NDE1: variants seen among roughly 807,000 people sequenced by gnomAD.
The protein encoded by NDE1 is nuclear distribution protein nudE homolog 1.
NDE1 carries 28 observed loss-of-function variants against 43.4 expected under a neutral mutation model. That is an observed-to-expected ratio of 0.65 (90% CI 0.48 to 0.89). NDE1 has a LOEUF of 0.89. Ranked by LOEUF, NDE1 falls within the 40% of genes least tolerant of loss-of-function variation. The pLI, the probability that NDE1 is intolerant of heterozygous loss-of-function variation, is 0.00. For missense variants in NDE1, 441 were observed against 434.1 expected (o/e 1.02, Z -0.14); for synonymous variants, 184 against 172.0 (o/e 1.07, Z -0.55).
intron 1 of NDE1, among the ~76,000 whole-genome samples, chr16:15,662,383 C>T (rs937997752): frequency 2.5e-4 from 38 of 149,296 alleles, no homozygotes; most frequent in African/African-American, 7.6e-4. Flanking sequence ...CCCAGGTTCA[C>T]GCTATTCTCC....
intron 3 of NDE1, among the ~76,000 whole-genome samples, chr16:15,673,255 G>C (rs1283182661): frequency 6.6e-6 from 1 of 152,094 alleles, no homozygotes; most frequent in African/African-American, 2.4e-5. Flanking sequence ...TGTCACCCAA[G>C]CTGGAGTGCA....
chr16:15,647,502 A>G (rs148257994), upstream of NDE1, among the ~76,000 whole-genome samples: 78 of 149,748 alleles, frequency 5.2e-4, no homozygotes, highest in Non-Finnish European at 8.7e-4. Context: ...GTTCAGTTGC[A>G]TGGTCTCCTC....
intron 2 of NDE1, 101 bp from the exon 3 acceptor site, chr16:15,667,185 G>C: frequency 7.5e-7 from 1 of 1,326,168 alleles, no homozygotes; most frequent in Non-Finnish European, 1.1e-6. Context: ...AGCAGAGGTT[G>C]CAGTGAGACG....
At chr16:15,703,851 T>C in intron 8 of NDE1, 1 of 1,207,150 alleles carries the variant, frequency 8.3e-7, no homozygotes, top group Non-Finnish European at 1.2e-6. Context: ...CTGTGATATT[T>C]GGAATTTGAG....
In NDE1 at chr16:15,691,164, G is replaced by T. The variant is rs780330442; in HGVS notation, c.544G>T (p.Val182Leu). Reference sequence around the variant, plus strand: ...CACAGATTTGCGGCAGGAACTGGCCGTGCAGCAGAAGCAGGAGAAACCCAG... The same window carrying T: ...CACAGATTTGCGGCAGGAACTGGCCTTGCAGCAGAAGCAGGAGAAACCCAG... ...EARDLRQELAVQQKQEKPRTP... is the reference protein window; with the variant it reads ...EARDLRQELALQQKQEKPRTP... The change falls in exon 6 of 9, where the codon GTG becomes TTG. Residue 182 changes from valine to leucine, a missense_variant. By Grantham distance (32) the Val-to-Leu change is conservative. Coordinates refer to ENST00000396354, the MANE Select transcript of NDE1 (RefSeq NM_017668.3). The T allele has an allele frequency of 6.2e-7, 1 of 1,614,048 alleles. No individual in the cohort carries two copies. Among genetic ancestry groups the T allele is most frequent in the Non-Finnish European group, 8.5e-7 (1 of 1,180,008 alleles).
chr16:15,722,384 T>C (rs766852429), intron 8 of NDE1, among the ~76,000 whole-genome samples: 13 of 152,258 alleles, frequency 8.5e-5, no homozygotes, highest in African/African-American at 1.4e-4. Context: ...CAGAGAACAT[T>C]CCATGCTCAC....
chr16:15,646,748 GTAA>G (rs2036338473), upstream of NDE1, among the ~76,000 whole-genome samples: 1 of 150,524 alleles, frequency 6.6e-6, no homozygotes, highest in African/African-American at 2.4e-5. Flanking sequence ...AAGTAAATAA[GTAA>G]TAAAATTCCT....
chr16:15,682,888 G>C (rs2038254928), intron 4 of NDE1, among the ~76,000 whole-genome samples: 1 of 151,994 alleles, frequency 6.6e-6, no homozygotes, highest in Non-Finnish European at 1.5e-5. Flanking sequence ...ATTATGCCCA[G>C]CTAATTTTTC....
chr16:15,694,889 C>T (rs761219190), intron 7 of NDE1: 326 of 985,244 alleles, frequency 3.3e-4, no homozygotes, highest in Non-Finnish European at 3.9e-4. Context: ...AAACTGCCTT[C>T]TCTTTTGGCC....
At position 15,726,006 on chromosome 16, in the gene NDE1, GTCTC is replaced by G. The variant is rs752697366; in HGVS notation, c.*1760_*1763del. 15 of 284,814 alleles carry G rather than the reference GTCTC, an allele frequency of 5.3e-5. No homozygotes were observed. The highest frequency in any genetic ancestry group is 2.6e-4 in the African/African-American group (12 of 45,670). 17.6% of individuals were successfully genotyped at this position (284,814 alleles called of 1,614,324 possible). On this transcript the variant is annotated 3_prime_UTR_variant, in exon 9 of 9. Transcript: ENST00000396354. ...GGCACTCCAGCTCTACTGGCTGTATGTCTCTCTCCTAATTTTTCTACTTACCACA... is the reference window on the plus strand; with the variant it reads ...GGCACTCCAGCTCTACTGGCTGTATGTCTCCTAATTTTTCTACTTACCACA...
intron 3 of NDE1, among the ~76,000 whole-genome samples, chr16:15,674,518 G>A (rs984490598): frequency 1.3e-5 from 2 of 151,972 alleles, no homozygotes; most frequent in Non-Finnish European, 2.9e-5. Flanking sequence ...CAAATTGCTG[G>A]GATTACAGGT....
At chr16:15,655,748 G>C (rs938935870) in intron 1 of NDE1, among the ~76,000 whole-genome samples, 2 of 152,012 alleles carry the variant, frequency 1.3e-5, no homozygotes, top group African/African-American at 4.8e-5. Context: ...AGCAATGATA[G>C]ACTGGATTAA....
Position 15,687,393 on chromosome 16 carries a change from C to T in NDE1, c.405C>T (p.Leu135=), listed in dbSNP as rs180841626. 18 of 1,614,112 alleles carry T rather than the reference C, an allele frequency of 1.1e-5. No individual in the cohort carries two copies. The highest frequency in any genetic ancestry group is 1.1e-4 in the East Asian group (5 of 44,880). ...TCGCCAGCGCCACGATCATGTCTCT[C>T]GAAGACTTTGAGCAGCGCTTGAATC... ...ERAKRATIMS[L]EDFEQRLNQA... is the part of the protein sequence containing the mutation. The change falls in exon 5 of 9, where the codon CTC becomes CTT. Residue 135 remains leucine (L), a synonymous_variant. Transcript: ENST00000396354.
intron 7 of NDE1, among the ~76,000 whole-genome samples, chr16:15,695,206 T>TTC (rs2038954893): frequency 1.4e-5 from 2 of 142,978 alleles, no homozygotes; most frequent in African/African-American, 5.2e-5. Context: ...CTGCCACCTT[T>TTC]TTTTTTTTTT....
At position 15,725,428 on chromosome 16, in the gene NDE1, G is replaced by C; in HGVS notation, c.*1177G>C. On this transcript the variant is annotated 3_prime_UTR_variant, in exon 9 of 9. Coordinates refer to ENST00000396354, the MANE Select transcript of NDE1 (RefSeq NM_017668.3). ...GGTACTTGAACGTCCCAGGGATGCT[G>C]TCCCATCCCTTCCTTCCTCACTCCT... is the stretch of plus-strand genomic sequence containing the variant. The C allele has an allele frequency of 2.1e-6, 1 of 480,788 alleles. No homozygotes were observed. The highest frequency in any genetic ancestry group is 3.1e-5 in the East Asian group (1 of 31,864). The allele number at this position is 480,788 out of a possible 1,614,324, so 29.8% of individuals were successfully genotyped here. A position where few individuals can be genotyped will look rare whatever the true frequency, so the allele number is the denominator to read the frequency against.
At chr16:15,674,270 A>T (rs1040000257) in intron 3 of NDE1, among the ~76,000 whole-genome samples, 6 of 151,724 alleles carry the variant, frequency 4.0e-5, no homozygotes, top group African/African-American at 1.2e-4. Context: ...TTTGAGATGG[A>T]GTCTTGTTCG....
rs1171298608 is a variant in NDE1, at chr16:15,724,236, G to C, written c.993G>C (p.Ser331=). Residue 331 remains serine (S), a synonymous_variant, in exon 9 of 9, where the codon TCG becomes TCC. Transcript: ENST00000396354. The part of the protein sequence containing the change: ...CRWLSKSTTR[S]SSSC The stretch of plus-strand genomic sequence containing the variant: ...GGTTGTCCAAATCAACAACCAGGTC[G>C]TCCAGCTCCTGCTGAAGCCTGTTCT... The C allele has an allele frequency of 3.1e-6, 5 of 1,614,192 alleles. No homozygotes were observed. Among genetic ancestry groups the C allele is most frequent in the Non-Finnish European group, 4.2e-6 (5 of 1,180,046 alleles).
rs947428051 is a variant in NDE1 at position 15,696,398 on chromosome 16, C to A, written c.796-311C>A. Among the ~76,000 whole-genome samples, 16 of 142,104 alleles carry A rather than the reference C, an allele frequency of 1.1e-4. No individual in the cohort carries two copies. The East Asian group carries it at 1.8e-3, about 16-fold the overall frequency. The allele number at this position is 142,104 out of a possible 152,430, so 93.2% of individuals were successfully genotyped here. A position where few individuals can be genotyped will look rare whatever the true frequency, so the allele number is the denominator to read the frequency against. Reference sequence around the variant, plus strand: ...GTAAAAAACAAAACAAAAAAAAAAACTGAGATGGGATCTTACTTTGTGGCC... The same window carrying A: ...GTAAAAAACAAAACAAAAAAAAAAAATGAGATGGGATCTTACTTTGTGGCC... On this transcript the variant is annotated intron_variant, in intron 7 of 8. Transcript: ENST00000396354.
chr16:15,688,145 C>T (rs2038535360), intron 5 of NDE1, among the ~76,000 whole-genome samples: 1 of 152,194 alleles, frequency 6.6e-6, no homozygotes, highest in African/African-American at 2.4e-5. Context: ...CAGTGCACTC[C>T]AGCCTGGGTG....
Sources: allele counts gnomAD v4.1 joint callset (sites outside exome capture counted in the v4.1 genomes callset), GRCh38; gene constraint gnomAD v4.1.1; transcripts MANE v1.5; gene names NCBI Gene and HGNC (gene_info 2026-07-23, HGNC 2026-07-21).